Variants in IL1RAP observed in about 807,000 individuals in gnomAD.
IL1RAP encodes the protein interleukin-1 receptor accessory protein.
Under a neutral mutation model 60.7 loss-of-function variants are expected in IL1RAP, and 35 were observed. The ratio of observed to expected loss-of-function variants is 0.58; its 90% CI spans 0.44 to 0.76. IL1RAP has a LOEUF of 0.76. IL1RAP is among the 30% of genes least tolerant of loss of function. The pLI is 0.00. For missense variants in IL1RAP, 572 were observed against 693.9 expected (o/e 0.82, Z 1.97); for synonymous variants, 268 against 250.9 (o/e 1.07, Z -0.64).
At chr3:190,613,007 T>A (rs78541708) in intron 5 of IL1RAP, among the ~76,000 whole-genome samples, 1 of 152,154 alleles carries the variant, frequency 6.6e-6, no homozygotes, top group African/African-American at 2.4e-5. Context: ...AGCTGTGTAG[T>A]CCCAAATGAC....
At chr3:190,520,971 C>T (rs1313970624) in intron 1 of IL1RAP, among the ~76,000 whole-genome samples, 2 of 152,142 alleles carry the variant, frequency 1.3e-5, no homozygotes, top group African/African-American at 4.8e-5. Flanking sequence ...TCAAACTGAT[C>T]TGCCTGGGTT....
At position 190,650,695 on chromosome 3, in the gene IL1RAP, T is replaced by G. The variant is rs1734342136; in HGVS notation, c.*1990T>G. 1 of 967,320 alleles carries G rather than the reference T, an allele frequency of 1.0e-6. No individual in the cohort carries two copies. 59.9% of individuals were successfully genotyped at this position (967,320 alleles called of 1,614,324 possible). On this transcript the variant is annotated 3_prime_UTR_variant, in exon 12 of 12. Coordinates refer to ENST00000447382, the MANE Select transcript of IL1RAP (RefSeq NM_002182.4). Reference sequence around the variant, plus strand: ...ATGAAAAAAGTAGAAAAGTAGGTCATTCTTGGATCTACTTTTTTTTAGCCT... The same window carrying G: ...ATGAAAAAAGTAGAAAAGTAGGTCAGTCTTGGATCTACTTTTTTTTAGCCT...
intron 3 of IL1RAP, among the ~76,000 whole-genome samples, chr3:190,584,403 G>A (rs553837515): frequency 5.5e-4 from 84 of 152,268 alleles, no homozygotes; most frequent in African/African-American, 1.0e-3. Flanking sequence ...ATATGGTAAG[G>A]TCATTAGGTA....
At chr3:190,654,369 A>T (rs573183812), downstream of IL1RAP, among the ~76,000 whole-genome samples, 4 of 152,320 alleles carry the variant, frequency 2.6e-5, no homozygotes, top group South Asian at 8.3e-4. Context: ...TAAGATTCTG[A>T]GTAGGACTAG....
chr3:190,615,916 T>C lies in IL1RAP; in HGVS notation c.538-4359T>C, dbSNP rs1731229731. On this transcript the variant is annotated intron_variant, in intron 5 of 11. Transcript: ENST00000447382. ...TATTTTTTAAATGCCTGCTTCTATT[T>C]GATTTGACAACATAGATTGGTTCTT... Among the ~76,000 whole-genome samples, 4 of 152,222 alleles carry C rather than the reference T, an allele frequency of 2.6e-5. No individual in the cohort carries two copies. In the South Asian group the frequency reaches 8.3e-4, roughly 31 times the overall value.
chr3:190,604,465 C>CT, intron 4 of IL1RAP, 52 bp downstream of exon 4: 2 of 1,569,616 alleles, frequency 1.3e-6, no homozygotes, highest in Non-Finnish European at 1.7e-6. Flanking sequence ...TTTCTGGGCT[C>CT]TTTTCCGGAT....
At chr3:190,564,070 A>C (rs1726150111) in intron 2 of IL1RAP, 2 of 531,446 alleles carry the variant, frequency 3.8e-6, no homozygotes, top group Non-Finnish European at 6.8e-6. Context: ...AAACTTCTTT[A>C]TCTGCATGTA....
chr3:190,593,503 C>G (rs1483240773), intron 3 of IL1RAP, among the ~76,000 whole-genome samples: 1 of 152,250 alleles, frequency 6.6e-6, no homozygotes, highest in Non-Finnish European at 1.5e-5. Flanking sequence ...TGAGACTGGG[C>G]AATTTATAAA....
intron 1 of IL1RAP, among the ~76,000 whole-genome samples, chr3:190,552,571 T>C (rs1724954303): frequency 6.6e-6 from 1 of 152,222 alleles, no homozygotes; most frequent in Non-Finnish European, 1.5e-5. Flanking sequence ...CAAGTGCTTA[T>C]CTTCCTTTAG....
At chr3:190,605,491 G>T (rs746377870) in intron 4 of IL1RAP, among the ~76,000 whole-genome samples, 1 of 152,002 alleles carries the variant, frequency 6.6e-6, no homozygotes, top group African/African-American at 2.4e-5. Context: ...ACTCCCATCC[G>T]GGTTATTTTT....
chr3:190,554,302 A>C (rs1285264512), intron 1 of IL1RAP, among the ~76,000 whole-genome samples: 2 of 152,062 alleles, frequency 1.3e-5, no homozygotes, highest in Non-Finnish European at 2.9e-5. Context: ...CAGCAAAGTG[A>C]GAGAGTCCTG....
chr3:190,655,072 A>G (rs2108874955), downstream of IL1RAP, among the ~76,000 whole-genome samples: 1 of 152,264 alleles, frequency 6.6e-6, no homozygotes, highest in South Asian at 2.1e-4. Context: ...AAAGAATTTA[A>G]TTGATAACAA....
intron 1 of IL1RAP, among the ~76,000 whole-genome samples, chr3:190,533,106 T>C (rs1347601443): frequency 6.6e-6 from 1 of 152,200 alleles, no homozygotes; most frequent in Non-Finnish European, 1.5e-5. Context: ...GGAACTGCTG[T>C]ATTGAATGCC....
chr3:190,570,686 C>T (rs1467679525), intron 3 of IL1RAP, among the ~76,000 whole-genome samples: 3 of 152,182 alleles, frequency 2.0e-5, no homozygotes, highest in Admixed American at 6.5e-5. Context: ...CTGCCTCAGC[C>T]TCCCTAGTAG....
At chr3:190,530,061 C>A (rs1303841114) in intron 1 of IL1RAP, among the ~76,000 whole-genome samples, 1 of 152,028 alleles carries the variant, frequency 6.6e-6, no homozygotes, top group Non-Finnish European at 1.5e-5. Flanking sequence ...AACATCATTC[C>A]AGTTTAACTA....
In IL1RAP at chr3:190,597,363, C is replaced by T. The variant is rs544954005; in HGVS notation, c.65-6765C>T. 2.8e-4 allele frequency among the ~76,000 whole-genome samples: 42 copies of T among 152,266 alleles called. 1 individual carries two copies. Among genetic ancestry groups the T allele is most frequent in the African/African-American group, 9.9e-4 (41 of 41,558 alleles). ...CAAGATAGGCAGTACTAGTTGCTAT[C>T]ACAAATCTCAGTGACTTAAGACAAT... On this transcript the variant is annotated intron_variant, in intron 3 of 11. Transcript: ENST00000447382.
rs141876001 is a variant in IL1RAP, at chr3:190,617,337, T to C, written c.538-2938T>C. 3.6e-3 allele frequency among the ~76,000 whole-genome samples: 546 copies of C among 152,318 alleles called. 5 individuals carry two copies. Among genetic ancestry groups the C allele is most frequent in the African/African-American group, 0.013 (520 of 41,562 alleles). ...TTACTTCATCATGACATTCCTCCAC[T>C]GCACCCTTCCCCTCCCCACATGATT... On this transcript the variant is annotated intron_variant, in intron 5 of 11. Coordinates refer to ENST00000447382, the MANE Select transcript of IL1RAP (RefSeq NM_002182.4).
chr3:190,538,865 T>C (rs1163933349), intron 1 of IL1RAP, among the ~76,000 whole-genome samples: 1 of 152,134 alleles, frequency 6.6e-6, no homozygotes, highest in Non-Finnish European at 1.5e-5. Flanking sequence ...TCTCCCCTGT[T>C]TTGCTCAGTA....
chr3:190,536,631 G>A (rs1723483891), intron 1 of IL1RAP, among the ~76,000 whole-genome samples: 1 of 152,142 alleles, frequency 6.6e-6, no homozygotes, highest in African/African-American at 2.4e-5. Context: ...TAGGGACATG[G>A]TTAAATACAC....
Sources: gnomAD v4.1 joint callset for allele counts (sites outside exome capture counted in the v4.1 genomes callset) on GRCh38, gnomAD v4.1.1 for gene constraint, MANE v1.5 for transcripts, NCBI Gene and HGNC (gene_info 2026-07-23, HGNC 2026-07-21) for gene names.